SOX6: variants seen among roughly 807,000 people sequenced by gnomAD.
SOX6 encodes the protein SRY-box transcription factor 6.
Under a neutral mutation model 97.8 loss-of-function variants are expected in SOX6, and 11 were observed. The ratio of observed to expected loss-of-function variants is 0.11; its 90% CI spans 0.07 to 0.19. SOX6 has a LOEUF of 0.19. Ranked by LOEUF, SOX6 falls within the 10% of genes least tolerant of loss-of-function variation. SOX6 has a pLI of 1.00. For synonymous variants in SOX6, 360 were observed against 371.4 expected (o/e 0.97, Z 0.35); for missense variants, 810 against 1,039.5 (o/e 0.78, Z 3.04).
rs79396541 is a variant in SOX6 at position 16,636,613 on chromosome 11, C to T, written n.430-24353G>A. Among the ~76,000 whole-genome samples the T allele has an allele frequency of 1.2e-4, 18 of 152,118 alleles. No homozygotes were observed. The East Asian group carries it at 1.7e-3, about 15-fold the overall frequency. The stretch of plus-strand genomic sequence containing the variant: ...TGAGGACATGAGATATGGGAGGGCC[C>T]GGGGCAAAATGATATGGATTGGCTC... On this transcript the variant is annotated intron_variant and non_coding_transcript_variant, in intron 3 of 5. Transcript: ENST00000524520.
intron 3 of SOX6, among the ~76,000 whole-genome samples, chr11:16,274,843 CT>C (rs1220429939): frequency 4.6e-5 from 7 of 152,000 alleles, no homozygotes; most frequent in African/African-American, 1.5e-4. Context: ...ATTATTAGGC[CT>C]TTTGGCTTTG....
rs140707669 is a variant in SOX6, at chr11:16,696,617, A to G, written n.429+18213T>C. 7.7e-3 allele frequency among the ~76,000 whole-genome samples: 1,173 copies of G among 152,328 alleles called. 14 individuals are homozygous for G. Among genetic ancestry groups the G allele is most frequent in the African/African-American group, 0.027 (1,119 of 41,570 alleles). ...GTAGTCTATCAAGTATAATAGCATT[A>G]TGTCTTAAAAACAATATATGTACCT... On this transcript the variant is annotated intron_variant and non_coding_transcript_variant, in intron 3 of 5. Coordinates refer to the SOX6 transcript ENST00000524520.
At chr11:16,453,504 C>G (rs1464580759) in intron 1 of SOX6, among the ~76,000 whole-genome samples, 1 of 152,090 alleles carries the variant, frequency 6.6e-6, no homozygotes, top group Non-Finnish European at 1.5e-5. Context: ...TACTATAATT[C>G]ATTAGTACGT....
intron 3 of SOX6, among the ~76,000 whole-genome samples, chr11:16,289,082 C>A (rs371352470): frequency 1.3e-5 from 2 of 151,774 alleles, no homozygotes; most frequent in East Asian, 1.9e-4. Flanking sequence ...GGCACCAAAA[C>A]AAATGGCAAG....
chr11:16,118,867 C>G (rs1384052907), intron 6 of SOX6, among the ~76,000 whole-genome samples: 1 of 152,094 alleles, frequency 6.6e-6, no homozygotes, highest in Non-Finnish European at 1.5e-5. Context: ...AATACTTTAT[C>G]TCTAGAAAAT....
At chr11:16,724,740 T>C (rs774712602) in intron 2 of SOX6, among the ~76,000 whole-genome samples, 2 of 152,242 alleles carry the variant, frequency 1.3e-5, no homozygotes, top group African/African-American at 2.4e-5. Flanking sequence ...TGTGTGTATA[T>C]ATATTCATTA....
At chr11:16,019,235 C>T (rs1266846396) in intron 12 of SOX6, among the ~76,000 whole-genome samples, 28 of 152,052 alleles carry the variant, frequency 1.8e-4, no homozygotes, top group Admixed American at 1.6e-3. Flanking sequence ...AAATGGCACA[C>T]GCTGAGAGGT....
At chr11:16,051,491 C>T (rs559975938) in intron 10 of SOX6, among the ~76,000 whole-genome samples, 40 of 152,188 alleles carry the variant, frequency 2.6e-4, no homozygotes, top group African/African-American at 3.9e-4. Context: ...TTGTCACATA[C>T]GTTGCAATGT....
At chr11:16,288,191 A>G (rs1244967543) in intron 3 of SOX6, among the ~76,000 whole-genome samples, 1 of 152,074 alleles carries the variant, frequency 6.6e-6, no homozygotes, top group Non-Finnish European at 1.5e-5. Flanking sequence ...CCCGATTCAG[A>G]AGATTCTCTT....
rs578070596 is a variant in SOX6, at chr11:16,390,527, A to G, written c.-4-49275T>C. ...AGATTTCTTGTATTGCCTTAAAGAC[A>G]TATTAAATGATACCATGCTTTTTCA... On this transcript the variant is annotated intron_variant, in intron 1 of 15. Transcript: ENST00000396356. Among the ~76,000 whole-genome samples the G allele has an allele frequency of 2.0e-5, 3 of 152,348 alleles. No homozygotes were observed. In the East Asian group the frequency reaches 5.8e-4, roughly 29 times the overall value.
chr11:16,489,648 T>A (rs1283126725), intron 4 of SOX6, among the ~76,000 whole-genome samples: 1 of 152,136 alleles, frequency 6.6e-6, no homozygotes, highest in East Asian at 1.9e-4. Flanking sequence ...ACAGATTCAT[T>A]GCTAAAATTG....
At chr11:16,130,187 A>G (rs1246236641) in intron 6 of SOX6, among the ~76,000 whole-genome samples, 1 of 152,006 alleles carries the variant, frequency 6.6e-6, no homozygotes, top group Non-Finnish European at 1.5e-5. Flanking sequence ...AACTCCATTT[A>G]CATTAGCATA....
chr11:16,261,529 T>C (rs745630544), intron 3 of SOX6, among the ~76,000 whole-genome samples: 4 of 151,958 alleles, frequency 2.6e-5, no homozygotes, highest in African/African-American at 4.8e-5. Context: ...AAAAATACAA[T>C]ATCAGGTGTA....
At position 16,217,806 on chromosome 11, in the gene SOX6, G is replaced by A. The variant is rs544407755; in HGVS notation, c.535+16776C>T. Among the ~76,000 whole-genome samples, 32 of 152,170 alleles carry A rather than the reference G, an allele frequency of 2.1e-4. 1 individual carries two copies. In the Middle Eastern group the frequency reaches 0.01, roughly 49 times the overall value. ...TCCAGATGCTCTGCCTTACTCTGTG[G>A]TTTGTATTTGAGGTCCCCTCTCCTG... On this transcript the variant is annotated intron_variant, in intron 4 of 15. Transcript: ENST00000683767.
At chr11:16,656,582 T>C (rs938426572) in intron 3 of SOX6, among the ~76,000 whole-genome samples, 2 of 152,220 alleles carry the variant, frequency 1.3e-5, no homozygotes, top group African/African-American at 4.8e-5. Flanking sequence ...ATGGCATATA[T>C]ATAATCTCAA....
At chr11:15,989,510 C>T (rs1853976837) in intron 13 of SOX6, among the ~76,000 whole-genome samples, 1 of 152,174 alleles carries the variant, frequency 6.6e-6, no homozygotes, top group Non-Finnish European at 1.5e-5. Context: ...AATGACATTA[C>T]CTTATGGTAA....
intron 4 of SOX6, among the ~76,000 whole-genome samples, chr11:16,580,923 G>T: frequency 6.6e-6 from 1 of 151,974 alleles, no homozygotes; most frequent in South Asian, 2.1e-4. Flanking sequence ...ACAGAATAGC[G>T]ATTATTAAAA....
chr11:16,318,209 T>C, intron 3 of SOX6: 1 of 537,432 alleles, frequency 1.9e-6, no homozygotes, highest in South Asian at 2.1e-5. Flanking sequence ...AAAATCCTAA[T>C]TTGTTATCTT....
chr11:16,300,441 GCT>G lies in SOX6; in HGVS notation c.445+18003_445+18004del, dbSNP rs1855225098. Among the ~76,000 whole-genome samples, 1 of 152,110 alleles carries G rather than the reference GCT, an allele frequency of 6.6e-6. No homozygotes were observed. Among genetic ancestry groups the G allele is most frequent in the African/African-American group, 2.4e-5 (1 of 41,398 alleles). On this transcript the variant is annotated intron_variant, in intron 3 of 15. Coordinates refer to ENST00000683767, the MANE Select transcript of SOX6 (RefSeq NM_001367873.1). This position sits in a 1 kb window ranked among gnomAD's most constrained non-coding sequence, Gnocchi z 4.1. Reference sequence around the variant, plus strand: ...TATTCTGACAAGCACTGTCTGGAGAGCTCTCAATAAATAATACATTGACAATT... The same window carrying G: ...TATTCTGACAAGCACTGTCTGGAGAGCTCAATAAATAATACATTGACAATT...
Sources: gnomAD v4.1 joint callset for allele counts (sites outside exome capture counted in the v4.1 genomes callset) on GRCh38, gnomAD v4.1.1 for gene constraint, Gnocchi (gnomAD v3.1) non-coding constraint, MANE v1.5 for transcripts, NCBI Gene and HGNC (gene_info 2026-07-23, HGNC 2026-07-21) for gene names.